Variants in PDE1C observed in about 807,000 individuals in gnomAD.
The protein encoded by PDE1C is dual specificity calcium/calmodulin-dependent 3',5'-cyclic nucleotide phosphodiesterase 1C.
A neutral mutation model predicts 93.1 loss-of-function variants in PDE1C; 62 were observed. The ratio of observed to expected loss-of-function variants is 0.67; its 90% confidence interval spans 0.54 to 0.82. The LOEUF is 0.82. PDE1C is among the 40% of genes least tolerant of loss of function. The pLI is 0.00. For synonymous variants in PDE1C, 325 were observed against 310.1 expected (o/e 1.05, Z -0.50); for missense variants, 742 against 884.6 (o/e 0.84, Z 2.04).
At chr7:32,267,896 T>C (rs529784372) in intron 1 of PDE1C, among the ~76,000 whole-genome samples, 4 of 152,298 alleles carry the variant, frequency 2.6e-5, no homozygotes, top group East Asian at 3.9e-4. Flanking sequence ...CTCCTAGGAA[T>C]TGGGGATTAT....
chr7:31,798,392 G>T (rs888713539), intron 16 of PDE1C, among the ~76,000 whole-genome samples: 40 of 151,566 alleles, frequency 2.6e-4, no homozygotes, highest in African/African-American at 9.4e-4. Context: ...CCAGATGAAG[G>T]AATTTTGTGT....
chr7:31,839,587 G>A (rs1395913257), intron 9 of PDE1C, among the ~76,000 whole-genome samples: 1 of 152,096 alleles, frequency 6.6e-6, no homozygotes, highest in African/African-American at 2.4e-5. Flanking sequence ...CTAGCTAACG[G>A]ACATTCAAGT....
chr7:32,218,837 G>A (rs1806626331), intron 1 of PDE1C, among the ~76,000 whole-genome samples: 1 of 152,106 alleles, frequency 6.6e-6, no homozygotes, highest in Non-Finnish European at 1.5e-5. Context: ...TGACTCTACA[G>A]GGCCCTCCAT....
At chr7:32,109,763 T>TTTTCA (rs954387638) in intron 3 of PDE1C, among the ~76,000 whole-genome samples, 7 of 148,852 alleles carry the variant, frequency 4.7e-5, no homozygotes, top group Admixed American at 1.3e-4. Flanking sequence ...GTGATTTGTC[T>TTTTCA]TTTCATTTCA....
At chr7:32,220,348 A>C (rs1161414573) in intron 1 of PDE1C, among the ~76,000 whole-genome samples, 1 of 152,220 alleles carries the variant, frequency 6.6e-6, no homozygotes, top group Non-Finnish European at 1.5e-5. Context: ...ACACTGTTCC[A>C]GGAGGTAAGT....
the PDE1C span, among the ~76,000 whole-genome samples, chr7:31,700,170 C>T: frequency 2.0e-5 from 3 of 152,108 alleles, no homozygotes; most frequent in South Asian, 2.1e-4. Flanking sequence ...CTTGTACCAA[C>T]GAGTTAGCCA....
the PDE1C span, among the ~76,000 whole-genome samples, chr7:31,720,130 T>C: frequency 1.6e-5 from 2 of 122,106 alleles, no homozygotes; most frequent in South Asian, 5.3e-4. Context: ...GCCACTGCAG[T>C]CCGCAGTCCG....
chr7:31,713,551 C>A, the PDE1C span, among the ~76,000 whole-genome samples: 1 of 152,228 alleles, frequency 6.6e-6, no homozygotes, highest in African/African-American at 2.4e-5. Context: ...CTAGGTGGTA[C>A]ACCAGTAGGG....
intron 3 of PDE1C, among the ~76,000 whole-genome samples, chr7:32,123,437 G>T (rs746111695): frequency 6.6e-6 from 1 of 152,058 alleles, no homozygotes; most frequent in Non-Finnish European, 1.5e-5. Context: ...CAATATCCCT[G>T]ATGAACATCA....
At chr7:32,276,854 A>C (rs1007265594) in intron 1 of PDE1C, among the ~76,000 whole-genome samples, 1 of 152,174 alleles carries the variant, frequency 6.6e-6, no homozygotes, top group African/African-American at 2.4e-5. Context: ...GGTTTTTATA[A>C]GACAGAAAGA....
At chr7:32,267,335 A>C (rs914420583) in intron 1 of PDE1C, among the ~76,000 whole-genome samples, 2 of 151,992 alleles carry the variant, frequency 1.3e-5, no homozygotes, top group East Asian at 3.9e-4. Context: ...AGTTTGGGAG[A>C]TGTCTCCAGG....
At chr7:31,707,386 G>T in the PDE1C span, 2 of 993,574 alleles carry the variant, frequency 2.0e-6, no homozygotes, top group South Asian at 3.5e-5. Context: ...GTCATCGTCT[G>T]ACTTGAAGAT....
the PDE1C span, among the ~76,000 whole-genome samples, chr7:31,712,081 A>G: frequency 6.6e-6 from 1 of 152,372 alleles, no homozygotes; most frequent in South Asian, 2.1e-4. Context: ...AAACCTGATC[A>G]CAAGCCATGC....
chr7:32,326,022 C>A (rs1272919797), intron 1 of PDE1C, among the ~76,000 whole-genome samples: 1 of 151,250 alleles, frequency 6.6e-6, no homozygotes. Flanking sequence ...GAAGAGGTAA[C>A]AAGATTTGCT....
chr7:32,304,143 G>A (rs1243828162), upstream of PDE1C, among the ~76,000 whole-genome samples: 1 of 151,928 alleles, frequency 6.6e-6, no homozygotes, highest in Non-Finnish European at 1.5e-5. Context: ...CTAATCTCCC[G>A]GGTCCTCCAG....
intron 1 of PDE1C, among the ~76,000 whole-genome samples, chr7:32,407,052 A>G (rs757122896): frequency 3.3e-5 from 5 of 152,112 alleles, no homozygotes; most frequent in African/African-American, 4.8e-5. Context: ...AAGGTGGGCG[A>G]ATCACGAGGT....
intron 1 of PDE1C, among the ~76,000 whole-genome samples, chr7:32,220,024 C>T (rs1436941069): frequency 2.6e-5 from 4 of 152,148 alleles, no homozygotes; most frequent in Admixed American, 2.6e-4. Flanking sequence ...TCTTATCTGC[C>T]ACCATGTGAG....
At chr7:31,630,243 G>GC in the PDE1C span, among the ~76,000 whole-genome samples, 1 of 5,358 alleles carries the variant, frequency 1.9e-4, no homozygotes, top group African/African-American at 4.8e-4. Flanking sequence ...AGTCTACTTG[G>GC]CAAAAAAAAA....
intron 17 of PDE1C, among the ~76,000 whole-genome samples, chr7:31,756,163 C>T (rs1794452305): frequency 1.3e-5 from 2 of 152,070 alleles, no homozygotes; most frequent in Admixed American, 1.3e-4. Context: ...CACAGCAAGA[C>T]TCCTTCTCAT....
Sources: gnomAD v4.1 joint callset for allele counts (sites outside exome capture counted in the v4.1 genomes callset) on GRCh38, gnomAD v4.1.1 for gene constraint, MANE v1.5 for transcripts, NCBI Gene and HGNC (gene_info 2026-07-23, HGNC 2026-07-21) for gene names.